The following FAM13C variants were observed in gnomAD, a reference collection of about 807,000 sequenced individuals.
FAM13C encodes protein FAM13C.
In FAM13C, 37 loss-of-function variants were observed where a neutral mutation model predicts 73.2. The observed-to-expected ratio is 0.51, with a 90% confidence interval of 0.39 to 0.67. The LOEUF (loss-of-function observed/expected upper bound fraction) is 0.67, where lower values mean the gene tolerates loss of function less well. Among genes scored for constraint, FAM13C ranks in the 30% least tolerant of loss-of-function variants. The probability of loss-of-function intolerance (pLI) is 0.00; values close to 1 mark genes in which losing one functional copy is unlikely to be tolerated. For missense variants in FAM13C, 589 were observed against 715.6 expected (o/e 0.82, Z 2.02); for synonymous variants, 246 against 260.9 (o/e 0.94, Z 0.55).
chr10:59,347,066 T>A (rs1854390868), intron 3 of FAM13C, among the ~76,000 whole-genome samples: 1 of 152,108 alleles, frequency 6.6e-6, no homozygotes, highest in Non-Finnish European at 1.5e-5. Context: ...GGCATTCTTT[T>A]GCAAAGCCTA....
intron 13 of FAM13C, 33 bp from the exon 14 acceptor site, chr10:59,247,770 A>G (rs895757447): frequency 5.6e-6 from 9 of 1,597,154 alleles, no homozygotes; most frequent in Admixed American, 1.7e-5. Context: ...TTAGTTCACA[A>G]TGAATCAAGT....
chr10:59,349,339 T>G (rs1004476767), intron 3 of FAM13C, among the ~76,000 whole-genome samples: 1 of 152,206 alleles, frequency 6.6e-6, no homozygotes, highest in African/African-American at 2.4e-5. Context: ...CAATTGACAC[T>G]TCAAATGACA....
chr10:59,307,957 C>A (rs1479797583), intron 4 of FAM13C, among the ~76,000 whole-genome samples: 1 of 152,212 alleles, frequency 6.6e-6, no homozygotes, highest in South Asian at 2.1e-4. Context: ...AGTAGCTAGC[C>A]ATCTCAAACT....
At chr10:59,280,877 A>C (rs1844851070) in intron 6 of FAM13C, among the ~76,000 whole-genome samples, 1 of 152,236 alleles carries the variant, frequency 6.6e-6, no homozygotes, top group South Asian at 2.1e-4. Context: ...CCACTAGGTC[A>C]CATGAATTTA....
At chr10:59,303,438 T>G (rs1847835109) in intron 4 of FAM13C, among the ~76,000 whole-genome samples, 1 of 152,254 alleles carries the variant, frequency 6.6e-6, no homozygotes, top group Non-Finnish European at 1.5e-5. Flanking sequence ...TCTATACTGC[T>G]AAAACCTCAC....
intron 8 of FAM13C, 131 bp downstream of exon 8, chr10:59,268,422 G>T: frequency 9.0e-7 from 1 of 1,105,378 alleles, no homozygotes; most frequent in Non-Finnish European, 1.3e-6. Context: ...TCTATGATAG[G>T]TCCAGGTTGG....
rs146809727 is a variant in FAM13C at position 59,261,441 on chromosome 10, T to C, written c.1236+993A>G. ...ATGATTAATACCAGGTAATGTACAA[T>C]AGAACAGGGAAAGGAGGCATTCTCC... On this transcript the variant is annotated intron_variant, in intron 10 of 13. Transcript: ENST00000618804. 1.3e-3 allele frequency among the ~76,000 whole-genome samples: 196 copies of C among 152,284 alleles called. 2 individuals carry two copies. Among genetic ancestry groups the C allele is most frequent in the Non-Finnish European group, 1.8e-3 (125 of 68,020 alleles).
intron 2 of FAM13C, among the ~76,000 whole-genome samples, chr10:59,354,557 T>C (rs370327449): frequency 5.9e-5 from 9 of 152,332 alleles, no homozygotes; most frequent in Middle Eastern, 3.4e-3. Context: ...ATTCATAAAA[T>C]AGATGTAATA....
At chr10:59,269,515 G>T (rs1843459366) in intron 7 of FAM13C, among the ~76,000 whole-genome samples, 1 of 151,912 alleles carries the variant, frequency 6.6e-6, no homozygotes, top group African/African-American at 2.4e-5. Flanking sequence ...AAATGTAGAT[G>T]GACAGCTCCC....
chr10:59,311,108 TC>T (rs1446027283), intron 4 of FAM13C, among the ~76,000 whole-genome samples: 1 of 151,988 alleles, frequency 6.6e-6, no homozygotes, highest in Non-Finnish European at 1.5e-5. Context: ...ATGAAAAACT[TC>T]AAATACAGGG....
intron 4 of FAM13C, chr10:59,323,196 G>A (rs1010975717): frequency 6.6e-6 from 1 of 152,266 alleles, no homozygotes; most frequent in Admixed American, 6.5e-5. Context: ...CTGTACACAA[G>A]ATCCTACAAA....
chr10:59,281,990 T>C (rs1010616363), intron 6 of FAM13C, among the ~76,000 whole-genome samples: 24 of 152,194 alleles, frequency 1.6e-4, no homozygotes, highest in Non-Finnish European at 1.5e-5. Flanking sequence ...AGGGATGTTG[T>C]CTAAATAATC....
chr10:59,296,404 T>C (rs563343815), intron 5 of FAM13C, among the ~76,000 whole-genome samples: 9 of 152,338 alleles, frequency 5.9e-5, no homozygotes, highest in South Asian at 2.1e-4. Context: ...ATCTTTGACA[T>C]TGAGGCTAAA....
chr10:59,291,940 C>T (rs1388227090), intron 5 of FAM13C, among the ~76,000 whole-genome samples: 1 of 151,916 alleles, frequency 6.6e-6, no homozygotes, highest in South Asian at 2.1e-4. Context: ...AGGCGCCCAC[C>T]ATCACGCCTG....
Position 59,362,362 on chromosome 10 carries a change from G to T in FAM13C, c.62+37C>A, listed in dbSNP as rs753322820. ...TCACGATAGTTGCTTCCAGAGAAAGGCATGCAAGTCTAATTTTAATGGTAA... is the reference window on the plus strand; with the variant it reads ...TCACGATAGTTGCTTCCAGAGAAAGTCATGCAAGTCTAATTTTAATGGTAA... On this transcript the variant is annotated intron_variant, in intron 1 of 13. Transcript: ENST00000618804. 5 of 1,608,952 alleles carry T rather than the reference G, an allele frequency of 3.1e-6. No individual in the cohort carries two copies. The East Asian group carries it at 8.9e-5, about 29-fold the overall frequency.
intron 8 of FAM13C, among the ~76,000 whole-genome samples, chr10:59,266,219 A>G (rs962739493): frequency 6.6e-6 from 1 of 152,202 alleles, no homozygotes. Context: ...GATTCCACTG[A>G]AGGTAGACGT....
At chr10:59,351,666 A>G (rs2073860929) in intron 3 of FAM13C, among the ~76,000 whole-genome samples, 1 of 152,164 alleles carries the variant, frequency 6.6e-6, no homozygotes, top group South Asian at 2.1e-4. Context: ...ATCCTCCTCC[A>G]TCTTCCCCGC....
chr10:59,264,230 AAG>A (rs1554810771), intron 8 of FAM13C, 64 bp from the exon 9 acceptor site: 1 of 1,224,474 alleles, frequency 8.2e-7, no homozygotes, highest in East Asian at 2.3e-5. Context: ...GGGGGAGAAA[AAG>A]AGAAAAGGAA....
At chr10:59,254,289 TG>T in intron 11 of FAM13C, 58 bp downstream of exon 11, 1 of 1,135,816 alleles carries the variant, frequency 8.8e-7, no homozygotes. Flanking sequence ...TACTACTATG[TG>T]ACATCCTGTT....
Sources: gnomAD v4.1 joint callset for allele counts (sites outside exome capture counted in the v4.1 genomes callset) on GRCh38, gnomAD v4.1.1 for gene constraint, MANE v1.5 for transcripts, NCBI Gene and HGNC (gene_info 2026-07-23, HGNC 2026-07-21) for gene names.